Variants in TAFA1 observed in about 807,000 individuals in gnomAD.
The protein encoded by TAFA1 is TAFA chemokine like family member 1.
In TAFA1, 4 loss-of-function variants were observed where a neutral mutation model predicts 18.5. That is an observed-to-expected ratio of 0.22 (90% CI 0.11 to 0.49). The LOEUF is 0.49. Ranked by LOEUF, TAFA1 falls within the 20% of genes least tolerant of loss-of-function variation. The probability of loss-of-function intolerance (pLI) is 0.98; values close to 1 mark genes in which losing one functional copy is unlikely to be tolerated. For synonymous variants in TAFA1, 56 were observed against 55.2 expected (o/e 1.01, Z -0.06); for missense variants, 147 against 169.0 (o/e 0.87, Z 0.72).
At chr3:68,435,879 G>A (rs905800981) in intron 3 of TAFA1, among the ~76,000 whole-genome samples, 10 of 152,136 alleles carry the variant, frequency 6.6e-5, no homozygotes, top group Admixed American at 2.0e-4. Context: ...TAAAGAGTAC[G>A]ATTAACGTCC....
chr3:68,273,338 G>T (rs79840814), intron 2 of TAFA1, among the ~76,000 whole-genome samples: 1 of 152,288 alleles, frequency 6.6e-6, no homozygotes, highest in East Asian at 1.9e-4. Flanking sequence ...GTTGGAGAAA[G>T]GAAGAGGCCA....
At chr3:68,022,021 G>C (rs1456337903) in intron 2 of TAFA1, among the ~76,000 whole-genome samples, 4 of 152,228 alleles carry the variant, frequency 2.6e-5, no homozygotes, top group Admixed American at 6.5e-5. Flanking sequence ...CAGAGCATCA[G>C]AGTAATTTTA....
chr3:68,472,518 A>G (rs1227094982), intron 3 of TAFA1, among the ~76,000 whole-genome samples: 2 of 152,002 alleles, frequency 1.3e-5, no homozygotes, highest in Admixed American at 6.6e-5. Flanking sequence ...ACACACACAC[A>G]CACACACACA....
chr3:68,210,980 G>A (rs113531220), intron 2 of TAFA1, among the ~76,000 whole-genome samples: 5 of 152,082 alleles, frequency 3.3e-5, no homozygotes, highest in African/African-American at 1.2e-4. Context: ...CACTTAACTT[G>A]CAAGGAGATG....
At chr3:68,519,449 C>A (rs770784905) in intron 3 of TAFA1, among the ~76,000 whole-genome samples, 1 of 152,188 alleles carries the variant, frequency 6.6e-6, no homozygotes, top group Non-Finnish European at 1.5e-5. Flanking sequence ...ATGGACAAAG[C>A]CAATTGTTAA....
intron 2 of TAFA1, among the ~76,000 whole-genome samples, chr3:68,295,485 C>G (rs1245313563): frequency 6.6e-6 from 1 of 151,868 alleles, no homozygotes; most frequent in East Asian, 1.9e-4. Context: ...TGCTGTGTGT[C>G]TGTGTGTGTG....
At chr3:68,393,060 G>A (rs1040323594) in intron 2 of TAFA1, among the ~76,000 whole-genome samples, 2 of 151,946 alleles carry the variant, frequency 1.3e-5, no homozygotes, top group African/African-American at 2.4e-5. Flanking sequence ...AAATCAATGA[G>A]TCCAGGAGCT....
chr3:68,514,081 C>G (rs2072886880), intron 3 of TAFA1, among the ~76,000 whole-genome samples: 1 of 152,106 alleles, frequency 6.6e-6, no homozygotes, highest in African/African-American at 2.4e-5. Flanking sequence ...TGAGGAATCT[C>G]TCTGGGCTCT....
At chr3:68,136,498 G>A (rs2106892751) in intron 2 of TAFA1, among the ~76,000 whole-genome samples, 2 of 152,282 alleles carry the variant, frequency 1.3e-5, no homozygotes, top group South Asian at 4.1e-4. Context: ...GGCCGCTGCA[G>A]CCTTTCTGCT....
intron 2 of TAFA1, among the ~76,000 whole-genome samples, chr3:68,351,699 C>T (rs2069273881): frequency 1.3e-5 from 2 of 151,920 alleles, no homozygotes; most frequent in Admixed American, 6.6e-5. Context: ...AGACAAATAA[C>T]TGGAAGAGAA....
At chr3:68,103,837 A>C (rs1170596498) in intron 2 of TAFA1, among the ~76,000 whole-genome samples, 1 of 152,148 alleles carries the variant, frequency 6.6e-6, no homozygotes, top group Non-Finnish European at 1.5e-5. Flanking sequence ...GGGTACTTTT[A>C]TTACCTCATC....
rs35048809 is a variant in TAFA1, at chr3:68,147,019, ATG to A, written c.118+140295_118+140296del. Reference sequence around the variant, plus strand: ...ATACCTCTTGTGTGTGTATATATATATGTGTGTGTGTGTGTGTGTGTATATAT... The same window carrying A: ...ATACCTCTTGTGTGTGTATATATATATGTGTGTGTGTGTGTGTGTATATAT... On this transcript the variant is annotated intron_variant, in intron 2 of 4. Transcript: ENST00000478136. Among the ~76,000 whole-genome samples, 980 of 147,678 alleles carry A rather than the reference ATG, an allele frequency of 6.6e-3. 8 individuals carry two copies. The highest frequency in any genetic ancestry group is 0.022 in the African/African-American group (889 of 39,618).
At chr3:68,370,472 GTATATA>G (rs749877780) in intron 2 of TAFA1, among the ~76,000 whole-genome samples, 1,144 of 32,942 alleles carry the variant, frequency 0.035, 40 homozygotes, top group African/African-American at 0.066. Flanking sequence ...GTGTGTGTGT[GTATATA>G]TATATATATA....
intron 4 of TAFA1, among the ~76,000 whole-genome samples, chr3:68,543,370 A>T (rs1209957004): frequency 6.6e-6 from 1 of 152,194 alleles, no homozygotes; most frequent in Non-Finnish European, 1.5e-5. Flanking sequence ...ATCTGGTGTC[A>T]TATCTTGGGA....
intron 3 of TAFA1, among the ~76,000 whole-genome samples, chr3:68,476,867 T>C (rs915074246): frequency 1.3e-5 from 2 of 152,204 alleles, no homozygotes; most frequent in African/African-American, 4.8e-5. Context: ...GAAATGAGTA[T>C]GTTCTATCAT....
chr3:68,158,328 T>C (rs2065887782), intron 2 of TAFA1, among the ~76,000 whole-genome samples: 1 of 152,112 alleles, frequency 6.6e-6, no homozygotes, highest in South Asian at 2.1e-4. Context: ...TCCATAACTC[T>C]GCAAGCAATG....
chr3:68,009,446 T>A (rs753312822), intron 2 of TAFA1, among the ~76,000 whole-genome samples: 1 of 152,216 alleles, frequency 6.6e-6, no homozygotes, highest in African/African-American at 2.4e-5. Context: ...AATTTGTGTA[T>A]TATCAACCAA....
chr3:68,534,222 C>G (rs1174149771), intron 3 of TAFA1, among the ~76,000 whole-genome samples: 1 of 152,146 alleles, frequency 6.6e-6, no homozygotes, highest in Non-Finnish European at 1.5e-5. Flanking sequence ...GGGTCTGACA[C>G]CTGGCTGTTC....
intron 2 of TAFA1, among the ~76,000 whole-genome samples, chr3:68,281,267 A>T (rs950621988): frequency 2.4e-4 from 36 of 152,138 alleles, no homozygotes; most frequent in Non-Finnish European, 1.5e-5. Context: ...TGTCAGCCTC[A>T]TACATTACAA....
Sources: gnomAD v4.1 joint callset for allele counts (sites outside exome capture counted in the v4.1 genomes callset) on GRCh38, gnomAD v4.1.1 for gene constraint, MANE v1.5 for transcripts, NCBI Gene and HGNC (gene_info 2026-07-23, HGNC 2026-07-21) for gene names.